The following RALA variants were observed in gnomAD, a reference collection of about 807,000 sequenced individuals.
RALA encodes ras-related protein Ral-A.
Under a neutral mutation model 24.0 loss-of-function variants are expected in RALA, and 5 were observed. The ratio of observed to expected loss-of-function variants is 0.21; its 90% CI spans 0.11 to 0.44. RALA has a LOEUF of 0.44. Ranked by LOEUF, RALA falls within the 20% of genes least tolerant of loss-of-function variation. The pLI, the probability that RALA is intolerant of heterozygous loss-of-function variation, is 0.99. For synonymous variants in RALA, 77 were observed against 83.8 expected, an observed-to-expected ratio of 0.92 and a Z score of 0.44; for missense variants, 95 against 241.2, an observed-to-expected ratio of 0.39 and a Z score of 4.01.
chr7:39,695,643 A>G (rs1302806660), intron 3 of RALA, among the ~76,000 whole-genome samples: 2 of 151,976 alleles, frequency 1.3e-5, no homozygotes, highest in Non-Finnish European at 2.9e-5. Flanking sequence ...GCCTCAAGCA[A>G]TCCTCCTGCC....
intron 1 of RALA, among the ~76,000 whole-genome samples, chr7:39,630,228 T>G (rs1370176992): frequency 2.0e-5 from 3 of 147,900 alleles, no homozygotes; most frequent in East Asian, 2.0e-4. Context: ...TTTTTTTTTT[T>G]TTTTGTCAAG....
chr7:39,659,722 G>A (rs1487410695), intron 1 of RALA, among the ~76,000 whole-genome samples: 1 of 152,146 alleles, frequency 6.6e-6, no homozygotes, highest in Admixed American at 6.6e-5. Flanking sequence ...ATGAGCAAAA[G>A]TTGTCTGTTA....
intron 1 of RALA, among the ~76,000 whole-genome samples, chr7:39,655,179 C>G (rs181782310): frequency 1.1e-4 from 17 of 152,294 alleles, no homozygotes; most frequent in Admixed American, 6.5e-4. Context: ...ACAAACCACT[C>G]AAATGTCCAT....
At chr7:39,699,747 A>G (rs1438959029) in intron 4 of RALA, among the ~76,000 whole-genome samples, 1 of 152,236 alleles carries the variant, frequency 6.6e-6, no homozygotes, top group Non-Finnish European at 1.5e-5. Context: ...TCATAAGGAT[A>G]TGTAAGACTC....
chr7:39,673,138 A>G (rs1471012429), intron 1 of RALA, among the ~76,000 whole-genome samples: 1 of 152,110 alleles, frequency 6.6e-6, no homozygotes, highest in African/African-American at 2.4e-5. Flanking sequence ...CAGTGAGCCG[A>G]GATCGTGCCC....
At chr7:39,666,220 T>A (rs933575650) in intron 1 of RALA, among the ~76,000 whole-genome samples, 1 of 152,050 alleles carries the variant, frequency 6.6e-6, no homozygotes, top group South Asian at 2.1e-4. Context: ...TCAAAAAAAA[T>A]GTATACTGGG....
intron 1 of RALA, among the ~76,000 whole-genome samples, chr7:39,671,032 C>T (rs1304159849): frequency 6.6e-6 from 1 of 152,028 alleles, no homozygotes; most frequent in Non-Finnish European, 1.5e-5. Context: ...TCTCGCTTTC[C>T]TTTACCCCTC....
chr7:39,679,628 T>C (rs1318835068), intron 1 of RALA, among the ~76,000 whole-genome samples: 1 of 152,216 alleles, frequency 6.6e-6, no homozygotes, highest in African/African-American at 2.4e-5. Flanking sequence ...GCTTTTTATA[T>C]AGAGAAATCA....
At chr7:39,687,875 C>T (rs964620458) in intron 2 of RALA, among the ~76,000 whole-genome samples, 4 of 152,194 alleles carry the variant, frequency 2.6e-5, no homozygotes, top group Non-Finnish European at 5.9e-5. Flanking sequence ...AGTGTTAAAC[C>T]TAGTCTTTTG....
chr7:39,673,628 G>A (rs1390468502), intron 1 of RALA, among the ~76,000 whole-genome samples: 6 of 152,008 alleles, frequency 3.9e-5, no homozygotes, highest in Non-Finnish European at 8.8e-5. Context: ...TCTCTTATTT[G>A]TAGTAATTTT....
chr7:39,678,955 T>G (rs1299173444), intron 1 of RALA, among the ~76,000 whole-genome samples: 1 of 152,194 alleles, frequency 6.6e-6, no homozygotes, highest in African/African-American at 2.4e-5. Context: ...GACAACCTTG[T>G]GTTACCATTT....
chr7:39,629,182 T>C (rs1218273385), intron 1 of RALA, among the ~76,000 whole-genome samples: 1 of 152,220 alleles, frequency 6.6e-6, no homozygotes, highest in Non-Finnish European at 1.5e-5. Context: ...GGGGTTATAC[T>C]ATTTTGCATT....
At chr7:39,668,453 C>T (rs1792321839) in intron 1 of RALA, among the ~76,000 whole-genome samples, 1 of 152,170 alleles carries the variant, frequency 6.6e-6, no homozygotes, top group Non-Finnish European at 1.5e-5. Flanking sequence ...TGCTTTGTGT[C>T]TACAGGATGA....
chr7:39,625,153 C>G (rs1028915184), intron 1 of RALA, among the ~76,000 whole-genome samples: 64 of 152,280 alleles, frequency 4.2e-4, no homozygotes, highest in African/African-American at 1.5e-3. Context: ...CTCACAGTCA[C>G]CATCCAGGAG....
Position 39,686,608 on chromosome 7 carries a change from A to G in RALA, c.-37-23A>G, listed in dbSNP as rs1792707685. Reference sequence around the variant, plus strand: ...TCTAAAGAAGAATGTACTGAGCATTACTTATTCTTTCATTCTTCTTAGATT... The same window carrying G: ...TCTAAAGAAGAATGTACTGAGCATTGCTTATTCTTTCATTCTTCTTAGATT... On this transcript the variant is annotated intron_variant, in intron 1 of 4. Coordinates refer to ENST00000005257, the MANE Select transcript of RALA (RefSeq NM_005402.4). 7 of 1,300,662 alleles carry G rather than the reference A, an allele frequency of 5.4e-6. 1 individual carries two copies. Among genetic ancestry groups the G allele is most frequent in the African/African-American group, 2.9e-5 (2 of 68,672 alleles). 80.6% of individuals were successfully genotyped at this position (1,300,662 alleles called of 1,614,324 possible). A position where few individuals can be genotyped will look rare whatever the true frequency, so the allele number is the denominator to read the frequency against.
At chr7:39,681,169 T>A (rs988634783) in intron 1 of RALA, among the ~76,000 whole-genome samples, 6 of 152,118 alleles carry the variant, frequency 3.9e-5, no homozygotes, top group African/African-American at 1.4e-4. Context: ...TAATAACATT[T>A]AAAAAGCAGC....
rs60548695 is a variant in RALA at position 39,649,496 on chromosome 7, G to C, written c.-38+25671G>C. Among the ~76,000 whole-genome samples, 37 of 152,244 alleles carry C rather than the reference G, an allele frequency of 2.4e-4. 1 individual carries two copies. The East Asian group carries it at 6.0e-3, about 25-fold the overall frequency. The stretch of plus-strand genomic sequence containing the variant: ...CAGCAACTTTATAAAAAGGCTAAAG[G>C]AACTAGCTAGGCCCTTTTTTGCTCT... On this transcript the variant is annotated intron_variant, in intron 1 of 4. Transcript: ENST00000005257.
intron 1 of RALA, among the ~76,000 whole-genome samples, chr7:39,658,940 C>T (rs1309869567): frequency 6.6e-6 from 1 of 151,752 alleles, no homozygotes; most frequent in East Asian, 1.9e-4. Context: ...CTGATATGAA[C>T]TGAAACTTTT....
At chr7:39,669,933 G>A (rs766596813) in intron 1 of RALA, among the ~76,000 whole-genome samples, 1 of 151,992 alleles carries the variant, frequency 6.6e-6, no homozygotes, top group Non-Finnish European at 1.5e-5. Flanking sequence ...TTCAGGCATG[G>A]TTAATTCAGT....
Sources: gnomAD v4.1 joint callset for allele counts (sites outside exome capture counted in the v4.1 genomes callset) on GRCh38, gnomAD v4.1.1 for gene constraint, MANE v1.5 for transcripts, NCBI Gene and HGNC (gene_info 2026-07-23, HGNC 2026-07-21) for gene names.